AKR1C8: variants seen among roughly 807,000 people sequenced by gnomAD.
AKR1C8 encodes aldo-keto reductase family 1 member C-like protein 1.
chr10:5,154,090 C>G, the AKR1C8 span: 2 of 461,210 alleles, frequency 4.3e-6, no homozygotes, highest in African/African-American at 4.0e-5. Context: ...AATCCTCTCT[C>G]TGTCACCTAA....
the AKR1C8 span, among the ~76,000 whole-genome samples, chr10:5,118,519 T>C: frequency 3.9e-5 from 6 of 152,168 alleles, no homozygotes; most frequent in Admixed American, 3.3e-4. Flanking sequence ...AGTAGTATCT[T>C]TAGTTTTTAT....
chr10:5,179,517 T>C, the AKR1C8 span, among the ~76,000 whole-genome samples: 4 of 152,120 alleles, frequency 2.6e-5, no homozygotes, highest in Admixed American at 1.3e-4. Flanking sequence ...TGAATCTGAA[T>C]GTTGGCCTGC....
At chr10:5,126,887 T>C in the AKR1C8 span, among the ~76,000 whole-genome samples, 4 of 151,918 alleles carry the variant, frequency 2.6e-5, no homozygotes, top group Non-Finnish European at 5.9e-5. Flanking sequence ...TATTATAAAC[T>C]ATAAACATTA....
At chr10:5,151,215 A>T in the AKR1C8 span, among the ~76,000 whole-genome samples, 2 of 152,162 alleles carry the variant, frequency 1.3e-5, no homozygotes, top group Non-Finnish European at 2.9e-5. Flanking sequence ...GCTTTACAAA[A>T]GTGATGTTAT....
chr10:5,116,164 G>C, the AKR1C8 span, among the ~76,000 whole-genome samples: 1 of 152,124 alleles, frequency 6.6e-6, no homozygotes, highest in Non-Finnish European at 1.5e-5. Context: ...TACCTCTGTT[G>C]TGAAGTAGTA....
chr10:5,125,062 G>A, the AKR1C8 span, among the ~76,000 whole-genome samples: 4 of 149,606 alleles, frequency 2.7e-5, no homozygotes, highest in South Asian at 2.1e-4. Context: ...TTGTTTTCAC[G>A]ATACATCTTA....
chr10:5,128,245 A>C, the AKR1C8 span, among the ~76,000 whole-genome samples: 1 of 152,186 alleles, frequency 6.6e-6, no homozygotes, highest in African/African-American at 2.4e-5. Flanking sequence ...GGAATTTGAC[A>C]TTATCAAACC....
the AKR1C8 span, among the ~76,000 whole-genome samples, chr10:5,139,163 A>G: frequency 3.3e-5 from 5 of 152,334 alleles, no homozygotes; most frequent in East Asian, 7.7e-4. Flanking sequence ...AGAGGACACA[A>G]TGGAAGGACA....
the AKR1C8 span, among the ~76,000 whole-genome samples, chr10:5,176,887 A>T: frequency 6.6e-6 from 1 of 152,106 alleles, no homozygotes; most frequent in African/African-American, 2.4e-5. Context: ...GGCTGAGACG[A>T]TGGGGTTTTC....
At chr10:5,178,055 C>A in the AKR1C8 span, among the ~76,000 whole-genome samples, 3 of 152,124 alleles carry the variant, frequency 2.0e-5, no homozygotes, top group East Asian at 5.8e-4. Flanking sequence ...TTTTCTAGTT[C>A]TTTTAATTGT....
chr10:5,167,051 C>T, the AKR1C8 span, among the ~76,000 whole-genome samples: 1 of 152,184 alleles, frequency 6.6e-6, no homozygotes, highest in Non-Finnish European at 1.5e-5. Context: ...CATCACTGGT[C>T]ATCAGAGAAA....
At chr10:5,162,992 G>T in the AKR1C8 span, 6 of 534,186 alleles carry the variant, frequency 1.1e-5, no homozygotes, top group East Asian at 3.3e-4. Context: ...AGCCACTTTG[G>T]TGGCCTCGGC....
At chr10:5,151,891 T>C in the AKR1C8 span, among the ~76,000 whole-genome samples, 3 of 152,060 alleles carry the variant, frequency 2.0e-5, no homozygotes, top group African/African-American at 7.2e-5. Flanking sequence ...TCTTAAGGTG[T>C]GGGCTATAAA....
chr10:5,179,452 G>T, the AKR1C8 span, among the ~76,000 whole-genome samples: 1 of 152,038 alleles, frequency 6.6e-6, no homozygotes, highest in African/African-American at 2.4e-5. Context: ...TGACAATTAT[G>T]TATCTTGGAG....
the AKR1C8 span, among the ~76,000 whole-genome samples, chr10:5,173,364 G>A: frequency 3.3e-5 from 5 of 152,112 alleles, no homozygotes; most frequent in African/African-American, 1.2e-4. Context: ...CAGAGAGGGA[G>A]GATGGCAGAG....
At chr10:5,141,967 G>A in the AKR1C8 span, among the ~76,000 whole-genome samples, 1 of 152,068 alleles carries the variant, frequency 6.6e-6, no homozygotes, top group African/African-American at 2.4e-5. Flanking sequence ...GAAAGTCCTA[G>A]ATGGCACCTT....
At chr10:5,129,789 CAAA>C in the AKR1C8 span, among the ~76,000 whole-genome samples, 1 of 151,364 alleles carries the variant, frequency 6.6e-6, no homozygotes, top group Non-Finnish European at 1.5e-5. Context: ...AAATTGCCAA[CAAA>C]AAAAGCCAAG....
the AKR1C8 span, among the ~76,000 whole-genome samples, chr10:5,134,859 C>G: frequency 6.6e-6 from 1 of 152,188 alleles, no homozygotes; most frequent in Admixed American, 6.5e-5. Context: ...GCGTTCTTCA[C>G]TCTTGAGTTT....
chr10:5,139,629 A>G, the AKR1C8 span, among the ~76,000 whole-genome samples: 1 of 152,050 alleles, frequency 6.6e-6, no homozygotes, highest in Non-Finnish European at 1.5e-5. Context: ...TCCCTTCCTT[A>G]TATCTTGTAC....
Sources: allele counts gnomAD v4.1 joint callset (sites outside exome capture counted in the v4.1 genomes callset), GRCh38; gene constraint gnomAD v4.1.1; transcripts MANE v1.5; gene names NCBI Gene and HGNC (gene_info 2026-07-23, HGNC 2026-07-21).